TNFAIP6: variants seen among roughly 807,000 people sequenced by gnomAD.
The protein encoded by TNFAIP6 is tumor necrosis factor-inducible gene 6 protein.
A neutral mutation model predicts 33.7 loss-of-function variants in TNFAIP6; 36 were observed. That is an observed-to-expected ratio of 1.07 (90% CI 0.82 to 1.41). The LOEUF (loss-of-function observed/expected upper bound fraction) is 1.41. TNFAIP6 is among the 40% of genes most tolerant of loss of function. The probability of loss-of-function intolerance (pLI) is 0.00; values close to 1 mark genes in which losing one functional copy is unlikely to be tolerated. For missense variants in TNFAIP6, 273 were observed against 331.9 expected, an observed-to-expected ratio of 0.82 and a Z score of 1.38; for synonymous variants, 113 against 112.8, an observed-to-expected ratio of 1.00 and a Z score of -0.01.
At chr2:151,361,390 T>C (rs1446142587) in intron 1 of TNFAIP6, among the ~76,000 whole-genome samples, 1 of 152,146 alleles carries the variant, frequency 6.6e-6, no homozygotes, top group Non-Finnish European at 1.5e-5. Context: ...CTCCGTTCAT[T>C]TTTTCCGTAT....
At chr2:151,360,588 T>C (rs985805392) in intron 1 of TNFAIP6, among the ~76,000 whole-genome samples, 1 of 152,170 alleles carries the variant, frequency 6.6e-6, no homozygotes, top group African/African-American at 2.4e-5. Context: ...TGTACAAAGG[T>C]CCATCTTAAT....
chr2:151,377,695 A>G (rs997102762), intron 5 of TNFAIP6, among the ~76,000 whole-genome samples: 14 of 152,068 alleles, frequency 9.2e-5, no homozygotes, highest in African/African-American at 3.1e-4. Flanking sequence ...CTATGAATTT[A>G]TATTTCTTGC....
At chr2:151,361,593 G>C (rs1262633044) in intron 1 of TNFAIP6, among the ~76,000 whole-genome samples, 2 of 151,952 alleles carry the variant, frequency 1.3e-5, no homozygotes, top group African/African-American at 4.8e-5. Flanking sequence ...AGCTAAACAG[G>C]CCTCCTGTCT....
At position 151,379,382 on chromosome 2, in the gene TNFAIP6, A is replaced by G. The variant is rs769731044; in HGVS notation, c.683A>G (p.Lys228Arg). The G allele has an allele frequency of 4.4e-6, 7 of 1,598,268 alleles. No individual in the cohort carries two copies. The highest frequency in any genetic ancestry group is 6.0e-6 in the Non-Finnish European group (7 of 1,174,700). ...IISTGNVMTL[K>R]FLSDASVTAG... ...GCAACAGGAAATGTCATGACCTTGA[A>G]GTTTCTAAGTGATGCTTCAGTGACA... is the stretch of plus-strand genomic sequence containing the variant. The change falls in exon 6 of 6, where the codon AAG becomes AGG. Residue 228 changes from lysine (K) to arginine (R), a missense_variant. Coordinates refer to ENST00000243347, the MANE Select transcript of TNFAIP6 (RefSeq NM_007115.4).
In TNFAIP6 at chr2:151,359,581, A is replaced by G. The variant is rs28445248; in HGVS notation, c.94+1821A>G. Among the ~76,000 whole-genome samples, 1,118 of 152,064 alleles carry G rather than the reference A, an allele frequency of 7.4e-3. 15 individuals carry two copies. The highest frequency in any genetic ancestry group is 0.025 in the African/African-American group (1,056 of 41,458). Reference sequence around the variant, plus strand: ...TTTTTTGTATTTTTAGTAGAGACAGAGTTTCACCATGTTAGCCAGGGTGGT... The same window carrying G: ...TTTTTTGTATTTTTAGTAGAGACAGGGTTTCACCATGTTAGCCAGGGTGGT... On this transcript the variant is annotated intron_variant, in intron 1 of 5. Transcript: ENST00000243347.
At chr2:151,364,147 G>A in intron 2 of TNFAIP6, 67 bp downstream of exon 2, 1 of 1,546,004 alleles carries the variant, frequency 6.5e-7, no homozygotes, top group South Asian at 1.2e-5. Context: ...TCTTTCCTAA[G>A]CCCTAGTAAG....
At chr2:151,373,256 G>A (rs1050533635) in intron 4 of TNFAIP6, among the ~76,000 whole-genome samples, 3 of 151,910 alleles carry the variant, frequency 2.0e-5, no homozygotes, top group Middle Eastern at 3.2e-3. Context: ...AAGAGGTTGC[G>A]GTGAGCCGAG....
In TNFAIP6 at chr2:151,379,573, T is replaced by G; in HGVS notation, c.*40T>G. 7.3e-7 allele frequency: 1 copy of G among 1,361,138 alleles called. No individual in the cohort carries two copies. Among genetic ancestry groups the G allele is most frequent in the South Asian group, 1.6e-5 (1 of 64,046 alleles). 84.3% of individuals were successfully genotyped at this position (1,361,138 alleles called of 1,614,324 possible). Reference sequence around the variant, plus strand: ...ATGATCAAAACACACAGTGTTTATGTTGGAATCTTTTGGAACTCCTTTGAT... The same window carrying G: ...ATGATCAAAACACACAGTGTTTATGGTGGAATCTTTTGGAACTCCTTTGAT... On this transcript the variant is annotated 3_prime_UTR_variant, in exon 6 of 6. Coordinates refer to ENST00000243347, the MANE Select transcript of TNFAIP6 (RefSeq NM_007115.4).
rs1478049199 is a variant in TNFAIP6 at position 151,357,812 on chromosome 2, C to A, written c.94+52C>A. 8.5e-6 allele frequency: 10 copies of A among 1,170,326 alleles called. No homozygotes were observed. In the Admixed American group the frequency reaches 1.7e-4, roughly 20 times the overall value. The allele number at this position is 1,170,326 out of a possible 1,614,324, so 72.5% of individuals were successfully genotyped here. A position where few individuals can be genotyped will look rare whatever the true frequency, so the allele number is the denominator to read the frequency against. On this transcript the variant is annotated intron_variant, in intron 1 of 5. Coordinates refer to ENST00000243347, the MANE Select transcript of TNFAIP6 (RefSeq NM_007115.4). ...TGTTGAGAATGTCAATTCTTTAAAT[C>A]ATGGAGAAGGAAATTTAAAGCAGTA...
chr2:151,368,182 T>C (rs1684749273), intron 3 of TNFAIP6, among the ~76,000 whole-genome samples: 1 of 151,862 alleles, frequency 6.6e-6, no homozygotes, highest in Admixed American at 6.6e-5. Context: ...ATGGGTTGCA[T>C]AACATCCTTA....
intron 4 of TNFAIP6, among the ~76,000 whole-genome samples, chr2:151,370,461 T>C (rs1476719145): frequency 1.3e-5 from 2 of 150,216 alleles, no homozygotes; most frequent in Non-Finnish European, 2.9e-5. Context: ...TATGGCTAAG[T>C]TGTAAGAACT....
chr2:151,373,267 A>G (rs1359431527), intron 4 of TNFAIP6, among the ~76,000 whole-genome samples: 1 of 152,188 alleles, frequency 6.6e-6, no homozygotes, highest in African/African-American at 2.4e-5. Context: ...GTGAGCCGAG[A>G]CTGCGCCACT....
Position 151,379,586 on chromosome 2 carries a change from G to A in TNFAIP6, c.*53G>A, listed in dbSNP as rs1284622171. ...ACAGTGTTTATGTTGGAATCTTTTG[G>A]AACTCCTTTGATCTCACTGTTATTA... On this transcript the variant is annotated 3_prime_UTR_variant, in exon 6 of 6. Transcript: ENST00000243347. 1.6e-6 allele frequency: 2 copies of A among 1,267,252 alleles called. No homozygotes were observed. Among genetic ancestry groups the A allele is most frequent in the East Asian group, 5.2e-5 (2 of 38,790 alleles). The allele number at this position is 1,267,252 out of a possible 1,614,324, so 78.5% of individuals were successfully genotyped here.
intron 2 of TNFAIP6, among the ~76,000 whole-genome samples, chr2:151,365,293 T>A (rs944146133): frequency 6.6e-6 from 1 of 150,410 alleles, no homozygotes; most frequent in Non-Finnish European, 1.5e-5. Context: ...CAGTGAGCTG[T>A]GTTCATGCCA....
intron 3 of TNFAIP6, 81 bp from the exon 4 acceptor site, chr2:151,369,939 G>T (rs973892639): frequency 1.9e-6 from 2 of 1,061,914 alleles, no homozygotes; most frequent in African/African-American, 3.2e-5. Context: ...GTAATAGATT[G>T]CTAAGAAATG....
At chr2:151,370,932 G>A (rs995396144) in intron 4 of TNFAIP6, among the ~76,000 whole-genome samples, 6 of 152,036 alleles carry the variant, frequency 3.9e-5, no homozygotes, top group Non-Finnish European at 5.9e-5. Flanking sequence ...TTAGCCGGGC[G>A]TGGTGGCAGG....
At chr2:151,368,581 C>T (rs947498508) in intron 3 of TNFAIP6, among the ~76,000 whole-genome samples, 1 of 151,526 alleles carries the variant, frequency 6.6e-6, no homozygotes, top group Non-Finnish European at 1.5e-5. Context: ...ATATTGAAAT[C>T]TGTTAAATGA....
chr2:151,365,983 T>C (rs1404210271), intron 2 of TNFAIP6, 73 bp from the exon 3 acceptor site: 1 of 1,465,156 alleles, frequency 6.8e-7, no homozygotes, highest in Admixed American at 1.8e-5. Flanking sequence ...GAAGTGGCTA[T>C]CTTTGCTAAG....
At chr2:151,381,158 C>G (rs140500178), downstream of TNFAIP6, among the ~76,000 whole-genome samples, 3 of 152,122 alleles carry the variant, frequency 2.0e-5, no homozygotes, top group African/African-American at 7.2e-5. Flanking sequence ...CCAAGTCTTC[C>G]TCTTCCAAAG....
Sources: allele counts gnomAD v4.1 joint callset (sites outside exome capture counted in the v4.1 genomes callset), GRCh38; gene constraint gnomAD v4.1.1; transcripts MANE v1.5; gene names NCBI Gene and HGNC (gene_info 2026-07-23, HGNC 2026-07-21).